TBC1D22A: variants seen among roughly 807,000 people sequenced by gnomAD.
The protein encoded by TBC1D22A is putative GTPase activator.
In TBC1D22A, 38 loss-of-function variants were observed where a neutral mutation model predicts 60.2. The observed-to-expected ratio is 0.63, with a 90% CI of 0.49 to 0.83. TBC1D22A has a LOEUF of 0.83. Ranked by LOEUF, TBC1D22A falls within the 40% of genes least tolerant of loss-of-function variation. The pLI is 0.00. For synonymous variants in TBC1D22A, 302 were observed against 281.7 expected, an observed-to-expected ratio of 1.07 and a Z score of -0.72; for missense variants, 628 against 701.0, an observed-to-expected ratio of 0.90 and a Z score of 1.18.
chr22:47,159,547 A>ACT (rs1157483841), intron 12 of TBC1D22A, among the ~76,000 whole-genome samples: 2 of 150,636 alleles, frequency 1.3e-5, no homozygotes. Context: ...CACGATGTAT[A>ACT]CTCACATTAC....
intron 12 of TBC1D22A, among the ~76,000 whole-genome samples, chr22:47,150,528 T>G (rs898599827): frequency 6.6e-6 from 1 of 152,018 alleles, no homozygotes; most frequent in Admixed American, 6.5e-5. Context: ...GCTTGCTGGG[T>G]GGCACCGGAG....
intron 12 of TBC1D22A, among the ~76,000 whole-genome samples, chr22:47,149,902 G>A (rs1196122297): frequency 6.6e-6 from 1 of 152,108 alleles, no homozygotes; most frequent in Non-Finnish European, 1.5e-5. Flanking sequence ...TGGTCTCTCT[G>A]GGGTATGAAT....
At chr22:46,837,082 A>C (rs892741419) in intron 4 of TBC1D22A, among the ~76,000 whole-genome samples, 2 of 151,986 alleles carry the variant, frequency 1.3e-5, no homozygotes, top group African/African-American at 4.8e-5. Context: ...CTATGATCAC[A>C]CCCCTGGGTT....
intron 10 of TBC1D22A, among the ~76,000 whole-genome samples, chr22:47,029,782 C>T (rs552936039): frequency 1.4e-4 from 22 of 152,364 alleles, no homozygotes; most frequent in African/African-American, 5.0e-4. Flanking sequence ...TCTCCTGTTC[C>T]CTTCCAGCTC....
intron 12 of TBC1D22A, among the ~76,000 whole-genome samples, chr22:47,113,678 A>C (rs559110329): frequency 6.6e-6 from 1 of 152,332 alleles, no homozygotes; most frequent in Admixed American, 6.5e-5. Flanking sequence ...GTCTGCTCCC[A>C]AATAGGGACA....
rs2084706787 is a variant in TBC1D22A, at chr22:46,797,498, C to T, written c.515C>T (p.Ala172Val). 2 of 1,613,792 alleles carry T rather than the reference C, an allele frequency of 1.2e-6. No individual in the cohort carries two copies. Among genetic ancestry groups the T allele is most frequent in the East Asian group, 2.2e-5 (1 of 44,866 alleles). The change falls in exon 4 of 13, where the codon GCC becomes GTC. Residue 172 changes from alanine (A) to valine (V), a missense_variant. By Grantham distance (64) the Ala-to-Val change is moderately conservative. Transcript: ENST00000337137. ...AGGTCCCAGTCTCTCCCACACTCGG[C>T]CACCGTCACGCTGGGTGGCACATCT... Reference protein sequence around the residue: ...LQRSQSLPHSATVTLGGTSDP... With the variant: ...LQRSQSLPHSVTVTLGGTSDP...
At chr22:46,904,229 TAAAAA>T (rs67975017) in intron 7 of TBC1D22A, among the ~76,000 whole-genome samples, 1 of 145,850 alleles carries the variant, frequency 6.9e-6, no homozygotes, top group Non-Finnish European at 1.5e-5. Flanking sequence ...GAAAAAAGAA[TAAAAA>T]AAAAGGTACG....
intron 11 of TBC1D22A, among the ~76,000 whole-genome samples, chr22:47,079,832 T>C (rs1402620460): frequency 1.3e-5 from 2 of 152,184 alleles, no homozygotes; most frequent in Non-Finnish European, 2.9e-5. Context: ...AATTAAAAGA[T>C]AGATTGTAAG....
intron 11 of TBC1D22A, among the ~76,000 whole-genome samples, chr22:47,092,556 G>T (rs2065019780): frequency 6.6e-6 from 1 of 152,184 alleles, no homozygotes; most frequent in Non-Finnish European, 1.5e-5. Context: ...TGTGCACAGG[G>T]GTGAGCCCGT....
At chr22:47,111,637 T>G (rs1480090214) in intron 12 of TBC1D22A, 34 bp downstream of exon 12, 3 of 1,583,244 alleles carry the variant, frequency 1.9e-6, no homozygotes, top group East Asian at 4.5e-5. Flanking sequence ...AACCCAAGTT[T>G]GATTTTCTAC....
chr22:46,773,918 T>A (rs1241957016), intron 1 of TBC1D22A: 1 of 985,346 alleles, frequency 1.0e-6, no homozygotes, highest in Non-Finnish European at 1.2e-6. Context: ...AAGCTGGGGT[T>A]TGAACCTTAG....
chr22:47,074,194 G>A (rs2062848228), intron 11 of TBC1D22A, among the ~76,000 whole-genome samples: 2 of 152,242 alleles, frequency 1.3e-5, no homozygotes, highest in African/African-American at 2.4e-5. Flanking sequence ...AAGCAATGAT[G>A]TGGACGATGC....
intron 12 of TBC1D22A, among the ~76,000 whole-genome samples, chr22:47,161,487 C>T (rs1302444676): frequency 6.6e-6 from 1 of 152,182 alleles, no homozygotes; most frequent in African/African-American, 2.4e-5. Flanking sequence ...ATGGATAGAC[C>T]AAAATTGCCT....
chr22:47,101,504 C>G (rs1210445207), intron 11 of TBC1D22A, among the ~76,000 whole-genome samples: 1 of 152,242 alleles, frequency 6.6e-6, no homozygotes, highest in Non-Finnish European at 1.5e-5. Context: ...GACCAGCTGC[C>G]TCAGCCATGC....
intron 10 of TBC1D22A, among the ~76,000 whole-genome samples, chr22:47,025,803 A>C (rs1328587805): frequency 6.6e-6 from 1 of 152,172 alleles, no homozygotes; most frequent in African/African-American, 2.4e-5. Flanking sequence ...AGAGGGAATC[A>C]TATAGTACTG....
At chr22:47,016,720 C>T (rs904516373) in intron 10 of TBC1D22A, among the ~76,000 whole-genome samples, 16 of 152,244 alleles carry the variant, frequency 1.1e-4, no homozygotes, top group African/African-American at 3.1e-4. Flanking sequence ...CAGGTGGAGC[C>T]GGTCTCACAT....
intron 11 of TBC1D22A, among the ~76,000 whole-genome samples, chr22:47,108,055 A>C (rs1483283659): frequency 6.6e-6 from 1 of 152,250 alleles, no homozygotes; most frequent in Admixed American, 6.5e-5. Context: ...TTCAAAAGTC[A>C]CTATTAAGAG....
At chr22:47,146,741 C>T (rs998253283) in intron 12 of TBC1D22A, among the ~76,000 whole-genome samples, 2 of 152,116 alleles carry the variant, frequency 1.3e-5, no homozygotes, top group Non-Finnish European at 1.5e-5. Context: ...CTTTGCCTGC[C>T]GGGACACAGG....
At chr22:46,908,165 G>C (rs2069627495) in intron 7 of TBC1D22A, among the ~76,000 whole-genome samples, 1 of 152,238 alleles carries the variant, frequency 6.6e-6, no homozygotes, top group African/African-American at 2.4e-5. Context: ...GGGGGTGTTA[G>C]CAGGAAGACC....
Sources: allele counts gnomAD v4.1 joint callset (sites outside exome capture counted in the v4.1 genomes callset), GRCh38; gene constraint gnomAD v4.1.1; transcripts MANE v1.5; gene names NCBI Gene and HGNC (gene_info 2026-07-23, HGNC 2026-07-21).